The following CEP192 variants were observed in gnomAD, a reference collection of about 807,000 sequenced individuals.
The protein encoded by CEP192 is centrosomal protein 192.
CEP192 carries 151 observed loss-of-function variants against 271.8 expected under a neutral mutation model. The observed-to-expected ratio is 0.56, with a 90% CI of 0.49 to 0.64. The LOEUF (loss-of-function observed/expected upper bound fraction) is 0.64, where lower values mean the gene tolerates loss of function less well. Ranked by LOEUF, CEP192 falls within the 30% of genes least tolerant of loss-of-function variation. The probability of loss-of-function intolerance (pLI) is 0.00; values close to 1 mark genes in which losing one functional copy is unlikely to be tolerated. For missense variants in CEP192, 2,910 were observed against 3,020.5 expected, an observed-to-expected ratio of 0.96 and a Z score of 0.86; for synonymous variants, 995 against 1,076.5, an observed-to-expected ratio of 0.92 and a Z score of 1.48.
At position 13,048,851 on chromosome 18, in the gene CEP192, A is replaced by T; in HGVS notation, c.2068-8A>T. The T allele has an allele frequency of 6.5e-7, 1 of 1,541,692 alleles. No individual in the cohort carries two copies. The highest frequency in any genetic ancestry group is 8.8e-7 in the Non-Finnish European group (1 of 1,137,552). Reference sequence around the variant, plus strand: ...AATTTATCTGATGTTTAATTTTCTCACTTCTAGGACACTTTCTTCATGAGC... The same window carrying T: ...AATTTATCTGATGTTTAATTTTCTCTCTTCTAGGACACTTTCTTCATGAGC... On this transcript the variant is annotated splice_region_variant and splice_polypyrimidine_tract_variant and intron_variant, in intron 15 of 44. Coordinates refer to ENST00000506447, the MANE Select transcript of CEP192 (RefSeq NM_032142.4).
chr18:13,098,389 G>A (rs1280130720), intron 36 of CEP192, among the ~76,000 whole-genome samples: 3 of 152,024 alleles, frequency 2.0e-5, no homozygotes, highest in Admixed American at 6.5e-5. Context: ...CAGACGGGGC[G>A]GCTGCCGGGC....
intron 30 of CEP192, among the ~76,000 whole-genome samples, chr18:13,074,766 G>A (rs190278557): frequency 1.3e-5 from 2 of 152,300 alleles, no homozygotes; most frequent in Admixed American, 6.5e-5. Flanking sequence ...CCTTTGTAAA[G>A]ATAAAGTAGC....
At chr18:13,107,394 CAT>C (rs1189486066) in intron 40 of CEP192, among the ~76,000 whole-genome samples, 2 of 152,140 alleles carry the variant, frequency 1.3e-5, no homozygotes, top group Non-Finnish European at 2.9e-5. Flanking sequence ...ATCTCTCTAA[CAT>C]AGTCAAATCC....
intron 20 of CEP192, 73 bp downstream of exon 20, chr18:13,057,806 A>G: frequency 6.9e-7 from 1 of 1,446,826 alleles, no homozygotes; most frequent in Non-Finnish European, 9.6e-7. Flanking sequence ...CCCCATCTCT[A>G]GTGCTAGGTT....
chr18:13,018,746 C>A, intron 8 of CEP192, 131 bp downstream of exon 8: 1 of 634,326 alleles, frequency 1.6e-6, no homozygotes, highest in Non-Finnish European at 2.5e-6. Context: ...TTTAGACAGT[C>A]TAAAACTTTT....
At chr18:12,999,706 C>A in intron 2 of CEP192, 118 bp downstream of exon 2, 1 of 598,786 alleles carries the variant, frequency 1.7e-6, no homozygotes, top group Non-Finnish European at 2.6e-6. Flanking sequence ...GGGGGATGGC[C>A]AAATATGTGA....
chr18:13,012,550 A>G (rs962722810), intron 4 of CEP192, among the ~76,000 whole-genome samples: 4 of 152,076 alleles, frequency 2.6e-5, no homozygotes, highest in South Asian at 2.1e-4. Context: ...ATTTGTGTGA[A>G]TGGGGGTCTG....
chr18:13,005,461 G>C (rs985637818), intron 3 of CEP192, among the ~76,000 whole-genome samples: 1 of 152,178 alleles, frequency 6.6e-6, no homozygotes, highest in African/African-American at 2.4e-5. Context: ...CTCACCTGTT[G>C]CTGTGAGGAA....
Position 13,068,878 on chromosome 18 carries a change from T to C in CEP192, c.4849T>C (p.Ser1617Pro). The C allele has an allele frequency of 6.2e-7, 1 of 1,614,206 alleles. No individual in the cohort carries two copies. Among genetic ancestry groups the C allele is most frequent in the South Asian group, 1.1e-5 (1 of 91,086 alleles). ...SDILDSAEEF[S>P]AKVDIEVDSP... is the part of the protein sequence containing the mutation. ...TATTCTGGACTCAGCAGAAGAATTC[T>C]CGGCAAAAGTTGATATCGAAGTTGA... Residue 1617 changes from serine to proline, a missense_variant, in exon 25 of 45, where the codon TCG becomes CCG. Physicochemically the swap from Ser to Pro is moderately conservative, Grantham distance 74. Transcript: ENST00000506447.
chr18:13,006,589 G>T (rs903629804), intron 3 of CEP192, among the ~76,000 whole-genome samples: 3 of 152,146 alleles, frequency 2.0e-5, no homozygotes, highest in African/African-American at 4.8e-5. Context: ...TTTCTCCGGG[G>T]CTGCTTGCAT....
intron 32 of CEP192, 121 bp from the exon 33 acceptor site, chr18:13,089,335 G>A (rs1484563283): frequency 6.1e-6 from 3 of 492,184 alleles, no homozygotes; most frequent in African/African-American, 6.0e-5. Flanking sequence ...TTAGGTGTAA[G>A]GTCTGTGTAC....
rs146842155 is a variant in CEP192 at position 13,008,564 on chromosome 18, C to T, written c.399C>T (p.Ala133=). The T allele has an allele frequency of 2.4e-4, 369 of 1,551,568 alleles. No homozygotes were observed. Among genetic ancestry groups the T allele is most frequent in the African/African-American group, 1.3e-3 (94 of 73,134 alleles). The part of the protein sequence containing the change: ...METAGPEEEP[A]GATESLQGQD... ...CAGCAGGACCAGAAGAGGAGCCAGC[C>T]GGAGCTACAGAATCCTTGCAGGGCC... is the stretch of plus-strand genomic sequence containing the variant. Residue 133 remains alanine, a synonymous_variant, in exon 4 of 45, where the codon GCC becomes GCT. Transcript: ENST00000506447.
chr18:13,016,007 A>G (rs2143055092), intron 6 of CEP192, among the ~76,000 whole-genome samples: 1 of 152,242 alleles, frequency 6.6e-6, no homozygotes, highest in South Asian at 2.1e-4. Flanking sequence ...CGGCCTCCCA[A>G]AGTGTTGGGA....
chr18:13,033,064 T>G (rs1490126687), intron 11 of CEP192, among the ~76,000 whole-genome samples: 1 of 152,222 alleles, frequency 6.6e-6, no homozygotes, highest in African/African-American at 2.4e-5. Context: ...GTATTATGCT[T>G]CTTAATCTGT....
chr18:12,997,783 G>T (rs545068093), intron 1 of CEP192, among the ~76,000 whole-genome samples: 1 of 152,240 alleles, frequency 6.6e-6, no homozygotes, highest in South Asian at 2.1e-4. Context: ...GAAGTACAGG[G>T]GCGCAATCTC....
At chr18:13,008,067 C>T (rs949542534) in intron 3 of CEP192, among the ~76,000 whole-genome samples, 14 of 152,148 alleles carry the variant, frequency 9.2e-5, no homozygotes, top group Non-Finnish European at 1.6e-4. Flanking sequence ...CGATTGAAAC[C>T]TTTATTAATT....
At chr18:13,095,120 T>C (rs1265654728) in intron 34 of CEP192, among the ~76,000 whole-genome samples, 1 of 152,042 alleles carries the variant, frequency 6.6e-6, no homozygotes, top group East Asian at 1.9e-4. Flanking sequence ...GCCTCGGCCT[T>C]CCTGGTAGCT....
chr18:13,001,672 T>A, intron 3 of CEP192, 90 bp downstream of exon 3: 1 of 1,188,322 alleles, frequency 8.4e-7, no homozygotes, highest in Non-Finnish European at 1.1e-6. Flanking sequence ...TGTATGTAAT[T>A]AATTCTGATT....
chr18:13,068,068 G>A, intron 22 of CEP192, 26 bp from the exon 23 acceptor site: 2 of 1,613,382 alleles, frequency 1.2e-6, no homozygotes, highest in Non-Finnish European at 1.7e-6. Flanking sequence ...TGGCTTTACT[G>A]AACTGATTCT....
Sources: allele counts gnomAD v4.1 joint callset (sites outside exome capture counted in the v4.1 genomes callset), GRCh38; gene constraint gnomAD v4.1.1; transcripts MANE v1.5; gene names NCBI Gene and HGNC (gene_info 2026-07-23, HGNC 2026-07-21).